The following IQGAP2 variants were observed in gnomAD, a reference collection of about 807,000 sequenced individuals.
IQGAP2 encodes IQ motif containing GTPase activating protein 2.
A neutral mutation model predicts 201.3 loss-of-function variants in IQGAP2; 173 were observed. That is an observed-to-expected ratio of 0.86 (90% CI 0.76 to 0.98). The LOEUF is 0.98. Ranked by LOEUF, IQGAP2 falls within the 50% of genes least tolerant of loss-of-function variation. The probability of loss-of-function intolerance (pLI) is 0.00; values close to 1 mark genes in which losing one functional copy is unlikely to be tolerated. For missense variants in IQGAP2, 1,687 were observed against 1,864.8 expected (o/e 0.90, Z 1.76); for synonymous variants, 675 against 673.9 (o/e 1.00, Z -0.03).
intron 2 of IQGAP2, among the ~76,000 whole-genome samples, chr5:76,475,801 T>C (rs370532212): frequency 6.6e-6 from 1 of 152,156 alleles, no homozygotes. Flanking sequence ...ATATGCCTTT[T>C]CTCCAATTGA....
intron 2 of IQGAP2, among the ~76,000 whole-genome samples, chr5:76,485,781 C>T (rs1756092462): frequency 6.6e-6 from 1 of 152,152 alleles, no homozygotes; most frequent in Non-Finnish European, 1.5e-5. Flanking sequence ...AGGGAGAGAG[C>T]AGGTATGCAC....
chr5:76,404,732 G>A (rs1313350696), intron 1 of IQGAP2, among the ~76,000 whole-genome samples: 2 of 152,216 alleles, frequency 1.3e-5, no homozygotes, highest in Non-Finnish European at 2.9e-5. Context: ...TGCAGTGAGG[G>A]GGAGGCCTGA....
intron 2 of IQGAP2, among the ~76,000 whole-genome samples, chr5:76,498,229 G>A (rs1757094006): frequency 1.3e-5 from 2 of 152,176 alleles, no homozygotes; most frequent in South Asian, 4.1e-4. Flanking sequence ...TCAGAATGCA[G>A]GGTTGAATAA....
rs533560337 is a variant in IQGAP2, at chr5:76,685,702, C to G, written c.3905+1785C>G. ...CTTGTGTGGCTCTCCCCCGTCCCCC[C>G]CAGTGTGTTGGAAACAAACACTATC... On this transcript the variant is annotated intron_variant, in intron 30 of 35. Transcript: ENST00000274364. Among the ~76,000 whole-genome samples the G allele has an allele frequency of 4.3e-3, 520 of 121,704 alleles. 1 individual carries two copies. The highest frequency in any genetic ancestry group is 7.2e-3 in the Non-Finnish European group (395 of 55,220). 79.8% of individuals were successfully genotyped at this position (121,704 alleles called of 152,430 possible).
intron 2 of IQGAP2, among the ~76,000 whole-genome samples, chr5:76,529,259 C>G (rs1759142154): frequency 6.6e-6 from 1 of 152,132 alleles, no homozygotes; most frequent in Non-Finnish European, 1.5e-5. Flanking sequence ...AATAAGTTAC[C>G]TTCAAACTAA....
intron 2 of IQGAP2, among the ~76,000 whole-genome samples, chr5:76,490,267 A>G (rs1209284210): frequency 1.3e-5 from 2 of 152,158 alleles, no homozygotes; most frequent in African/African-American, 4.8e-5. Flanking sequence ...GGTCTACTCT[A>G]GGAGCTTGCA....
chr5:76,577,720 T>A (rs1427279386), intron 5 of IQGAP2, among the ~76,000 whole-genome samples: 1 of 152,204 alleles, frequency 6.6e-6, no homozygotes, highest in East Asian at 1.9e-4. Flanking sequence ...CAAGACACAT[T>A]TGAAAGCTGA....
At chr5:76,551,212 CG>C (rs1404914691) in intron 2 of IQGAP2, among the ~76,000 whole-genome samples, 8 of 141,104 alleles carry the variant, frequency 5.7e-5, no homozygotes, top group Middle Eastern at 4.6e-3. Flanking sequence ...CAGACGGGGT[CG>C]GGGCCGGGCA....
intron 1 of IQGAP2, among the ~76,000 whole-genome samples, chr5:76,451,442 T>C (rs1233835086): frequency 6.6e-6 from 1 of 152,200 alleles, no homozygotes; most frequent in Non-Finnish European, 1.5e-5. Context: ...TTACCCTACC[T>C]GTTTTCTCCC....
At chr5:76,538,411 C>T (rs2150216301) in intron 2 of IQGAP2, among the ~76,000 whole-genome samples, 2 of 152,302 alleles carry the variant, frequency 1.3e-5, no homozygotes, top group South Asian at 4.1e-4. Flanking sequence ...CTGCCACGTA[C>T]TCTTCCAGGG....
At chr5:76,673,861 C>G in intron 25 of IQGAP2, 91 bp from the exon 26 acceptor site, 1 of 813,102 alleles carries the variant, frequency 1.2e-6, no homozygotes, top group East Asian at 2.5e-5. Flanking sequence ...AAAAACTACT[C>G]AGCTGAAGTT....
intron 16 of IQGAP2, among the ~76,000 whole-genome samples, chr5:76,638,469 G>A (rs1178552183): frequency 6.6e-6 from 1 of 152,186 alleles, no homozygotes; most frequent in African/African-American, 2.4e-5. Context: ...TGGAGTCTCA[G>A]GGGTCCTCCT....
chr5:76,699,964 T>C (rs201194966), intron 33 of IQGAP2, among the ~76,000 whole-genome samples: 2 of 63,096 alleles, frequency 3.2e-5, no homozygotes, highest in African/African-American at 1.2e-4. Flanking sequence ...TCTCTCTCTC[T>C]ATATATATAT....
intron 1 of IQGAP2, among the ~76,000 whole-genome samples, chr5:76,407,913 A>G (rs1750883338): frequency 6.6e-6 from 1 of 152,126 alleles, no homozygotes; most frequent in Non-Finnish European, 1.5e-5. Flanking sequence ...GGTGGATCAC[A>G]TGAGGTCACG....
At chr5:76,642,238 C>A (rs1751643259) in intron 17 of IQGAP2, among the ~76,000 whole-genome samples, 1 of 152,032 alleles carries the variant, frequency 6.6e-6, no homozygotes, top group African/African-American at 2.4e-5. Flanking sequence ...AAAATTGGGA[C>A]CCCACACTCT....
At chr5:76,565,878 G>T (rs1744712875) in intron 3 of IQGAP2, among the ~76,000 whole-genome samples, 1 of 152,106 alleles carries the variant, frequency 6.6e-6, no homozygotes, top group Non-Finnish European at 1.5e-5. Flanking sequence ...TTGGATTCCT[G>T]GGTCCCACCC....
At chr5:76,519,937 C>G (rs1189001974) in intron 2 of IQGAP2, among the ~76,000 whole-genome samples, 2 of 151,946 alleles carry the variant, frequency 1.3e-5, no homozygotes, top group African/African-American at 4.8e-5. Context: ...GATTCAAGTT[C>G]TTTGTTGGAT....
At chr5:76,491,629 T>C (rs548638341) in intron 2 of IQGAP2, among the ~76,000 whole-genome samples, 5 of 152,250 alleles carry the variant, frequency 3.3e-5, no homozygotes, top group African/African-American at 1.2e-4. Context: ...TTGATGTTTC[T>C]CATCTTCCCA....
Position 76,500,831 on chromosome 5 carries a change from A to G in IQGAP2, c.146+39162A>G, listed in dbSNP as rs143922464. On this transcript the variant is annotated intron_variant, in intron 2 of 35. Transcript: ENST00000274364. ...AATAGCCTTTCCGGTACCGTGCCTTATATACTCATTTAATTTTACAACATG... is the reference window on the plus strand; with the variant it reads ...AATAGCCTTTCCGGTACCGTGCCTTGTATACTCATTTAATTTTACAACATG... 2.1e-3 allele frequency among the ~76,000 whole-genome samples: 317 copies of G among 152,274 alleles called. 1 individual carries two copies. The highest frequency in any genetic ancestry group is 7.4e-3 in the African/African-American group (308 of 41,546).
Sources: gnomAD v4.1 joint callset for allele counts (sites outside exome capture counted in the v4.1 genomes callset) on GRCh38, gnomAD v4.1.1 for gene constraint, MANE v1.5 for transcripts, NCBI Gene and HGNC (gene_info 2026-07-23, HGNC 2026-07-21) for gene names.